Variants in SORCS3 observed in about 807,000 individuals in gnomAD.
SORCS3 encodes the protein VPS10 domain-containing receptor SorCS3.
SORCS3 carries 57 observed loss-of-function variants against 146.3 expected under a neutral mutation model. The observed-to-expected ratio is 0.39, with a 90% CI of 0.31 to 0.49. The LOEUF is 0.49. Among genes scored for constraint, SORCS3 ranks in the 20% least tolerant of loss-of-function variants. SORCS3 has a pLI of 0.92. For missense variants in SORCS3, 1,341 were observed against 1,575.5 expected (o/e 0.85, Z 2.52); for synonymous variants, 653 against 618.5 (o/e 1.06, Z -0.83).
intron 4 of SORCS3, among the ~76,000 whole-genome samples, chr10:105,014,088 C>CAT (rs202154336): frequency 0.048 from 6,258 of 131,116 alleles, 172 homozygotes; most frequent in East Asian, 0.15. Context: ...TATATACACA[C>CAT]ATATATATAC....
chr10:104,953,569 T>TTA (rs2019456360), intron 3 of SORCS3, among the ~76,000 whole-genome samples: 1 of 152,216 alleles, frequency 6.6e-6, no homozygotes, highest in South Asian at 2.1e-4. Context: ...ATTTTCCAGG[T>TTA]GCCACCATTG....
At chr10:104,821,054 A>G (rs138607659) in intron 1 of SORCS3, among the ~76,000 whole-genome samples, 150 of 152,308 alleles carry the variant, frequency 9.8e-4, no homozygotes, top group African/African-American at 3.5e-3. Flanking sequence ...AGCTCAAATG[A>G]TGATGTCGTC....
chr10:104,808,169 A>C (rs1417057875), intron 1 of SORCS3, among the ~76,000 whole-genome samples: 1 of 152,136 alleles, frequency 6.6e-6, no homozygotes, highest in African/African-American at 2.4e-5. Context: ...GCACCAACAG[A>C]ACTAGGACTT....
At chr10:104,677,385 C>T (rs954026595) in intron 1 of SORCS3, among the ~76,000 whole-genome samples, 9 of 152,136 alleles carry the variant, frequency 5.9e-5, no homozygotes, top group Non-Finnish European at 1.3e-4. Flanking sequence ...AAAGTGAAAA[C>T]AATATAACAC....
chr10:104,985,050 GT>G (rs2054954419), intron 4 of SORCS3, among the ~76,000 whole-genome samples: 1 of 152,068 alleles, frequency 6.6e-6, no homozygotes, highest in South Asian at 2.1e-4. Flanking sequence ...TAACAGTGAA[GT>G]TTGCTGCACT....
chr10:104,896,273 G>A (rs939082745), intron 2 of SORCS3, among the ~76,000 whole-genome samples: 3 of 152,158 alleles, frequency 2.0e-5, no homozygotes, highest in African/African-American at 7.2e-5. Flanking sequence ...TGGTCTTATG[G>A]CAAAGGAATT....
chr10:104,946,076 T>C (rs1271233096), intron 3 of SORCS3, among the ~76,000 whole-genome samples: 1 of 152,038 alleles, frequency 6.6e-6, no homozygotes, highest in Non-Finnish European at 1.5e-5. Context: ...TAATTCTGAC[T>C]CTGGTAGGGT....
intron 2 of SORCS3, among the ~76,000 whole-genome samples, chr10:104,874,378 C>T (rs115870488): frequency 0.014 from 2,084 of 152,192 alleles, 50 homozygotes; most frequent in African/African-American, 0.047. Flanking sequence ...GTTGACATTA[C>T]GAATATCTGC....
chr10:105,006,272 T>C (rs372200670), intron 4 of SORCS3, among the ~76,000 whole-genome samples: 131 of 152,312 alleles, frequency 8.6e-4, no homozygotes, highest in African/African-American at 3.1e-3. Flanking sequence ...GCAAATACTT[T>C]GGAGTCTTGG....
intron 8 of SORCS3, among the ~76,000 whole-genome samples, chr10:105,146,313 A>G (rs181167275): frequency 6.6e-6 from 1 of 152,166 alleles, no homozygotes; most frequent in East Asian, 1.9e-4. Flanking sequence ...ATTGTAAACT[A>G]CTAGGTGTGA....
chr10:104,818,710 G>A (rs2017836389), intron 1 of SORCS3, among the ~76,000 whole-genome samples: 1 of 152,052 alleles, frequency 6.6e-6, no homozygotes, highest in Admixed American at 6.6e-5. Flanking sequence ...GTTGCCCTGG[G>A]TTCTGCCAGC....
chr10:104,940,158 A>C, intron 3 of SORCS3, among the ~76,000 whole-genome samples: 1 of 141,672 alleles, frequency 7.1e-6, no homozygotes. Flanking sequence ...TTTTCCAGGA[A>C]AGGGGCAGGA....
intron 4 of SORCS3, among the ~76,000 whole-genome samples, chr10:105,006,685 T>C (rs1192498551): frequency 6.6e-6 from 1 of 152,206 alleles, no homozygotes; most frequent in Non-Finnish European, 1.5e-5. Context: ...TTTGCTCTTC[T>C]TCCAGTTGAC....
intron 8 of SORCS3, among the ~76,000 whole-genome samples, chr10:105,145,394 C>T (rs140681706): frequency 7.6e-4 from 115 of 152,124 alleles, no homozygotes; most frequent in Non-Finnish European, 8.8e-4. Flanking sequence ...GACACAGCCC[C>T]GGGAAAGCAT....
chr10:104,811,840 A>C (rs1376255097), intron 1 of SORCS3, among the ~76,000 whole-genome samples: 1 of 152,196 alleles, frequency 6.6e-6, no homozygotes, highest in Non-Finnish European at 1.5e-5. Flanking sequence ...TTTGAGAACA[A>C]AGGAATGGCC....
At chr10:104,656,009 A>G (rs1002343924) in intron 1 of SORCS3, among the ~76,000 whole-genome samples, 2 of 152,152 alleles carry the variant, frequency 1.3e-5, no homozygotes, top group Non-Finnish European at 1.5e-5. Flanking sequence ...TTCAATACAT[A>G]TTTGTGGAGT....
chr10:104,771,700 T>C (rs1428630835), intron 1 of SORCS3, among the ~76,000 whole-genome samples: 1 of 152,088 alleles, frequency 6.6e-6, no homozygotes, highest in Admixed American at 6.5e-5. Flanking sequence ...CAAGTGCCAA[T>C]GCACTCAAAG....
intron 3 of SORCS3, among the ~76,000 whole-genome samples, chr10:104,927,580 T>G (rs1378772725): frequency 1.3e-5 from 2 of 152,086 alleles, no homozygotes; most frequent in Admixed American, 1.3e-4. Flanking sequence ...TTGAAAGCCT[T>G]TAAAAAGAAG....
intron 3 of SORCS3, among the ~76,000 whole-genome samples, chr10:104,920,482 C>T (rs2019076300): frequency 6.6e-6 from 1 of 152,218 alleles, no homozygotes; most frequent in Non-Finnish European, 1.5e-5. Flanking sequence ...AGCTACTATC[C>T]TAAACTCCCT....
Sources: gnomAD v4.1 joint callset for allele counts (sites outside exome capture counted in the v4.1 genomes callset) on GRCh38, gnomAD v4.1.1 for gene constraint, MANE v1.5 for transcripts, NCBI Gene and HGNC (gene_info 2026-07-23, HGNC 2026-07-21) for gene names.